The following ARMH4 variants were observed in gnomAD, a reference collection of about 807,000 sequenced individuals.
The protein encoded by ARMH4 is armadillo-like helical domain-containing protein 4.
In ARMH4, 49 loss-of-function variants were observed where a neutral mutation model predicts 61.9. The observed-to-expected ratio is 0.79, with a 90% confidence interval of 0.63 to 1.00. The LOEUF (loss-of-function observed/expected upper bound fraction) is 1.00, where lower values mean the gene tolerates loss of function less well. ARMH4 is among the 50% of genes least tolerant of loss of function. The pLI, the probability that ARMH4 is intolerant of heterozygous loss-of-function variation, is 0.00. For synonymous variants in ARMH4, 368 were observed against 341.5 expected, an observed-to-expected ratio of 1.08 and a Z score of -0.85; for missense variants, 934 against 930.0, an observed-to-expected ratio of 1.00 and a Z score of -0.06.
rs539077163 is a variant in ARMH4, at chr14:58,146,842, T to C, written c.-57+5233A>G. The stretch of plus-strand genomic sequence containing the variant: ...AAAGGGAAACCAATATGTTAAATCA[T>C]TCTCACCAGTGATGAAGCTACTACT... On this transcript the variant is annotated intron_variant, in intron 1 of 7. Coordinates refer to ENST00000267485, the MANE Select transcript of ARMH4 (RefSeq NM_001001872.4). 5.3e-5 allele frequency among the ~76,000 whole-genome samples: 8 copies of C among 152,350 alleles called. No homozygotes were observed. In the South Asian group the frequency reaches 1.7e-3, roughly 32 times the overall value.
chr14:58,110,999 C>A (rs1886337378), intron 4 of ARMH4, among the ~76,000 whole-genome samples: 1 of 152,044 alleles, frequency 6.6e-6, no homozygotes, highest in African/African-American at 2.4e-5. Flanking sequence ...GATGATCCAC[C>A]TGCCTCAGCT....
intron 4 of ARMH4, among the ~76,000 whole-genome samples, chr14:58,106,767 T>C (rs1162992009): frequency 6.6e-6 from 1 of 151,660 alleles, no homozygotes; most frequent in Non-Finnish European, 1.5e-5. Flanking sequence ...ACAAGTTTTA[T>C]AAGTTTTGTT....
intron 5 of ARMH4, among the ~76,000 whole-genome samples, chr14:58,077,440 C>CA (rs1433214734): frequency 1.3e-5 from 2 of 152,086 alleles, no homozygotes; most frequent in East Asian, 3.9e-4. Flanking sequence ...CCCATCTCTA[C>CA]AAAAAATACT....
intron 6 of ARMH4, among the ~76,000 whole-genome samples, chr14:58,008,150 C>A (rs371122256): frequency 3.6e-4 from 55 of 152,198 alleles, no homozygotes; most frequent in African/African-American, 1.3e-3. Context: ...AATAACTGCA[C>A]AGAGATCTGC....
chr14:58,017,511 A>C (rs960779326), intron 5 of ARMH4, among the ~76,000 whole-genome samples: 3 of 152,138 alleles, frequency 2.0e-5, no homozygotes, highest in Admixed American at 6.6e-5. Flanking sequence ...CTAAAACAGA[A>C]ATCAAGAAAA....
chr14:58,031,845 A>G (rs1476579047), intron 5 of ARMH4, among the ~76,000 whole-genome samples: 2 of 152,040 alleles, frequency 1.3e-5, no homozygotes, highest in African/African-American at 2.4e-5. Context: ...CTTCATTTTC[A>G]CCTTAGTACC....
At chr14:58,042,377 A>C (rs1308147715) in intron 5 of ARMH4, among the ~76,000 whole-genome samples, 1 of 152,352 alleles carries the variant, frequency 6.6e-6, no homozygotes, top group African/African-American at 2.4e-5. Context: ...TGAAGGCAGA[A>C]ATAAAGATGT....
At chr14:58,063,201 G>A (rs1053050518) in intron 5 of ARMH4, among the ~76,000 whole-genome samples, 5 of 152,106 alleles carry the variant, frequency 3.3e-5, no homozygotes, top group Non-Finnish European at 7.4e-5. Flanking sequence ...CTGTCAATGT[G>A]TCTCCATGTC....
chr14:58,032,920 G>A (rs1396132445), intron 5 of ARMH4, among the ~76,000 whole-genome samples: 2 of 151,222 alleles, frequency 1.3e-5, no homozygotes, highest in African/African-American at 2.4e-5. Context: ...GAATCTCGCT[G>A]ATTGCTAGCA....
chr14:58,131,117 G>C (rs1224240643), intron 4 of ARMH4: 1 of 179,808 alleles, frequency 5.6e-6, no homozygotes, highest in African/African-American at 2.4e-5. Flanking sequence ...AATGTTTCAG[G>C]CTTTGTGGGC....
At chr14:58,133,513 C>A (rs1887198684) in intron 2 of ARMH4, among the ~76,000 whole-genome samples, 172 bp from the exon 3 acceptor site, 1 of 152,098 alleles carries the variant, frequency 6.6e-6, no homozygotes, top group Non-Finnish European at 1.5e-5. Flanking sequence ...TTTTCTCTGT[C>A]ACGCTTTCAG....
intron 5 of ARMH4, among the ~76,000 whole-genome samples, chr14:58,054,883 A>AATAATAATAAT (rs1555338495): frequency 7.2e-6 from 1 of 138,446 alleles, no homozygotes; most frequent in Non-Finnish European, 1.5e-5. Flanking sequence ...AAAAAAAAAA[A>AATAATAATAAT]AATAATAATA....
intron 4 of ARMH4, among the ~76,000 whole-genome samples, chr14:58,130,341 A>T (rs948142037): frequency 3.3e-5 from 5 of 152,230 alleles, no homozygotes; most frequent in Non-Finnish European, 5.9e-5. Context: ...GCAGCCAACC[A>T]GTGTTACCCA....
At chr14:58,074,903 C>T (rs1207401241) in intron 5 of ARMH4, among the ~76,000 whole-genome samples, 1 of 152,116 alleles carries the variant, frequency 6.6e-6, no homozygotes, top group African/African-American at 2.4e-5. Flanking sequence ...TGTGCTGGCT[C>T]CAGCACAGTG....
intron 4 of ARMH4, among the ~76,000 whole-genome samples, chr14:58,099,737 C>A (rs900438838): frequency 6.6e-6 from 1 of 151,922 alleles, no homozygotes; most frequent in Non-Finnish European, 1.5e-5. Flanking sequence ...CAGATCTCAT[C>A]GAAAGGGGCA....
intron 5 of ARMH4, among the ~76,000 whole-genome samples, chr14:58,022,460 C>T (rs58474546): frequency 0.059 from 8,982 of 152,210 alleles, 310 homozygotes; most frequent in African/African-American, 0.086. Context: ...CACTATTCTG[C>T]CTCATTACAT....
Position 58,049,159 on chromosome 14 carries a change from A to G in ARMH4, c.2090-37009T>C, listed in dbSNP as rs111684196. Among the ~76,000 whole-genome samples, 1,070 of 151,836 alleles carry G rather than the reference A, an allele frequency of 7.0e-3. 20 individuals carry two copies. Among genetic ancestry groups the G allele is most frequent in the African/African-American group, 0.024 (999 of 41,362 alleles). On this transcript the variant is annotated intron_variant, in intron 5 of 7. Transcript: ENST00000267485. The stretch of plus-strand genomic sequence containing the variant: ...GAGGCTGAGGCAGGAGAACGGTGTG[A>G]ACCCAGGAGGCGGAGCTTGCAGTGA...
intron 5 of ARMH4, among the ~76,000 whole-genome samples, chr14:58,043,017 C>T (rs887341873): frequency 2.0e-5 from 3 of 152,136 alleles, no homozygotes; most frequent in Non-Finnish European, 4.4e-5. Context: ...CCGAATTCTA[C>T]CACAGGTACA....
intron 5 of ARMH4, among the ~76,000 whole-genome samples, chr14:58,038,992 CCCA>C (rs1883586757): frequency 1.3e-5 from 2 of 152,162 alleles, no homozygotes; most frequent in African/African-American, 4.8e-5. Flanking sequence ...GTCCCAGGCA[CCCA>C]CCACCACCCC....
Sources: gnomAD v4.1 joint callset for allele counts (sites outside exome capture counted in the v4.1 genomes callset) on GRCh38, gnomAD v4.1.1 for gene constraint, MANE v1.5 for transcripts, NCBI Gene and HGNC (gene_info 2026-07-23, HGNC 2026-07-21) for gene names.